SGCZ: variants seen among roughly 807,000 people sequenced by gnomAD.
SGCZ encodes sarcoglycan zeta.
SGCZ carries 40 observed loss-of-function variants against 41.3 expected under a neutral mutation model. The ratio of observed to expected loss-of-function variants is 0.97; its 90% CI spans 0.75 to 1.26. The LOEUF (loss-of-function observed/expected upper bound fraction) is 1.26. SGCZ is among the 50% of genes most tolerant of loss of function. SGCZ has a pLI of 0.00. For missense variants in SGCZ, 552 were observed against 369.8 expected (o/e 1.49, Z -4.04); for synonymous variants, 206 against 137.5 (o/e 1.50, Z -3.49).
At chr8:14,710,369 C>CAAAA (rs770994264) in intron 1 of SGCZ, among the ~76,000 whole-genome samples, 56 of 92,314 alleles carry the variant, frequency 6.1e-4, no homozygotes, top group East Asian at 1.8e-3. Flanking sequence ...GACTCCGCAT[C>CAAAA]AAAAAAAAAA....
At position 14,358,207 on chromosome 8, in the gene SGCZ, A is replaced by G. The variant is rs140844173; in HGVS notation, c.235-34003T>C. On this transcript the variant is annotated intron_variant, in intron 2 of 7. Coordinates refer to ENST00000382080, the MANE Select transcript of SGCZ (RefSeq NM_139167.4). Reference sequence around the variant, plus strand: ...GCTAAACATTCAAGGAGTGGGCTAAATGACTAGATCTATAAACTATAAATA... The same window carrying G: ...GCTAAACATTCAAGGAGTGGGCTAAGTGACTAGATCTATAAACTATAAATA... 7.2e-3 allele frequency among the ~76,000 whole-genome samples: 1,097 copies of G among 152,312 alleles called. 9 individuals carry two copies. The highest frequency in any genetic ancestry group is 0.02 in the South Asian group (98 of 4,824).
chr8:14,579,677 C>G (rs1040857294), intron 1 of SGCZ, among the ~76,000 whole-genome samples: 1 of 152,140 alleles, frequency 6.6e-6, no homozygotes, highest in Non-Finnish European at 1.5e-5. Context: ...CTATTCTCTG[C>G]TTTGGGCAGT....
At chr8:14,551,303 G>T (rs947865873) in intron 2 of SGCZ, among the ~76,000 whole-genome samples, 1 of 142,660 alleles carries the variant, frequency 7.0e-6, no homozygotes, top group South Asian at 2.2e-4. Flanking sequence ...AGAATGCCTG[G>T]ATTTGAGAGA....
chr8:14,656,139 G>A (rs1326319430), intron 1 of SGCZ, among the ~76,000 whole-genome samples: 1 of 152,004 alleles, frequency 6.6e-6, no homozygotes, highest in African/African-American at 2.4e-5. Flanking sequence ...AATTTTTTAA[G>A]TAAGTATCAA....
At chr8:15,197,166 G>A (rs774505497) in intron 1 of SGCZ, among the ~76,000 whole-genome samples, 1 of 152,186 alleles carries the variant, frequency 6.6e-6, no homozygotes, top group Non-Finnish European at 1.5e-5. Context: ...CAGCTACATT[G>A]TTCAATCTGC....
intron 1 of SGCZ, among the ~76,000 whole-genome samples, chr8:14,656,249 G>T (rs540388060): frequency 6.6e-6 from 1 of 151,956 alleles, no homozygotes; most frequent in Non-Finnish European, 1.5e-5. Flanking sequence ...ATCCTCACCA[G>T]AATTATATAT....
intron 3 of SGCZ, among the ~76,000 whole-genome samples, chr8:14,294,391 A>G (rs1052352493): frequency 6.6e-6 from 1 of 151,934 alleles, no homozygotes; most frequent in African/African-American, 2.4e-5. Context: ...GCAAGCAACT[A>G]CCCAAAAATC....
chr8:14,336,911 G>C (rs532101258), intron 2 of SGCZ, among the ~76,000 whole-genome samples: 1 of 151,930 alleles, frequency 6.6e-6, no homozygotes, highest in Non-Finnish European at 1.5e-5. Flanking sequence ...CCTCATAATG[G>C]ACCAGTCACC....
chr8:15,170,397 C>T (rs147062874), intron 1 of SGCZ, among the ~76,000 whole-genome samples: 81 of 152,320 alleles, frequency 5.3e-4, no homozygotes, highest in African/African-American at 1.9e-3. Context: ...AATTTCCCAG[C>T]CTTGAATAAA....
At chr8:14,655,991 G>C (rs1012998262) in intron 1 of SGCZ, among the ~76,000 whole-genome samples, 3 of 152,034 alleles carry the variant, frequency 2.0e-5, no homozygotes, top group Admixed American at 6.6e-5. Context: ...ACAGGCTGTT[G>C]AACTACTCAC....
chr8:14,713,574 G>T (rs1413132292), intron 1 of SGCZ, among the ~76,000 whole-genome samples: 1 of 151,570 alleles, frequency 6.6e-6, no homozygotes, highest in Non-Finnish European at 1.5e-5. Flanking sequence ...TTAGATTTTT[G>T]TTGTTGTGAT....
At chr8:14,940,325 T>C (rs1585396770) in intron 1 of SGCZ, among the ~76,000 whole-genome samples, 1 of 152,138 alleles carries the variant, frequency 6.6e-6, no homozygotes, top group Admixed American at 6.6e-5. Flanking sequence ...TAATGCATTA[T>C]GCATCATAAA....
chr8:14,383,833 G>A (rs536781306), intron 2 of SGCZ, among the ~76,000 whole-genome samples: 18 of 152,262 alleles, frequency 1.2e-4, no homozygotes, highest in Admixed American at 6.5e-4. Context: ...AAAACTCAGC[G>A]AAGAGGTTTG....
intron 1 of SGCZ, among the ~76,000 whole-genome samples, chr8:14,860,963 G>A (rs1451057905): frequency 4.6e-5 from 7 of 152,182 alleles, no homozygotes; most frequent in Admixed American, 6.6e-5. Flanking sequence ...ATGAGCAGAT[G>A]AGCTTCATAC....
At chr8:14,136,822 G>T (rs13251936) in intron 5 of SGCZ, among the ~76,000 whole-genome samples, 49,563 of 152,048 alleles carry the variant, frequency 0.33, 10,375 homozygotes, top group Non-Finnish European at 0.47. Context: ...TGGAGTTTGA[G>T]ATCTGAGAAT....
chr8:14,758,323 G>A (rs1799752183), intron 1 of SGCZ, among the ~76,000 whole-genome samples: 1 of 152,066 alleles, frequency 6.6e-6, no homozygotes, highest in Admixed American at 6.6e-5. Flanking sequence ...TCTTTTCCCT[G>A]AACTTTACAA....
At chr8:14,163,051 TG>T (rs966992061) in intron 5 of SGCZ, among the ~76,000 whole-genome samples, 18 of 152,128 alleles carry the variant, frequency 1.2e-4, no homozygotes, top group African/African-American at 4.3e-4. Flanking sequence ...TCAAAAATTT[TG>T]GTAGACACAA....
intron 1 of SGCZ, among the ~76,000 whole-genome samples, chr8:15,135,194 T>G (rs567877383): frequency 6.6e-6 from 1 of 152,190 alleles, no homozygotes; most frequent in Non-Finnish European, 1.5e-5. Flanking sequence ...CCATTTATTT[T>G]TCTGTGCTAT....
intron 1 of SGCZ, among the ~76,000 whole-genome samples, chr8:15,019,156 G>A (rs1327835764): frequency 6.6e-6 from 1 of 152,178 alleles, no homozygotes; most frequent in Non-Finnish European, 1.5e-5. Context: ...TTTGGGCAGG[G>A]AAACAGATCC....
Sources: allele counts gnomAD v4.1 joint callset (sites outside exome capture counted in the v4.1 genomes callset), GRCh38; gene constraint gnomAD v4.1.1; transcripts MANE v1.5; gene names NCBI Gene and HGNC (gene_info 2026-07-23, HGNC 2026-07-21).